Variants in SNTA1 observed in about 807,000 individuals in gnomAD.
SNTA1 encodes the protein alpha-1-syntrophin.
In SNTA1, 31 loss-of-function variants were observed where a neutral mutation model predicts 47.1. The observed-to-expected ratio is 0.66, with a 90% CI of 0.49 to 0.89. The LOEUF (loss-of-function observed/expected upper bound fraction) is 0.89. Ranked by LOEUF, SNTA1 falls within the 40% of genes least tolerant of loss-of-function variation. SNTA1 has a pLI of 0.00. For synonymous variants in SNTA1, 300 were observed against 313.6 expected (o/e 0.96, Z 0.46); for missense variants, 575 against 693.0 (o/e 0.83, Z 1.91).
At chr20:33,441,897 T>C (rs1288818738) in intron 1 of SNTA1, among the ~76,000 whole-genome samples, 1 of 152,164 alleles carries the variant, frequency 6.6e-6, no homozygotes, top group Non-Finnish European at 1.5e-5. Context: ...ATGCTGGAGA[T>C]TGGGGGTAAG....
At chr20:33,442,544 C>A (rs925641525) in intron 1 of SNTA1, among the ~76,000 whole-genome samples, 6 of 152,142 alleles carry the variant, frequency 3.9e-5, no homozygotes, top group Non-Finnish European at 8.8e-5. Flanking sequence ...TGTGGTGAGC[C>A]CTGCTCTCAG....
chr20:33,435,991 G>A (rs1307656758), intron 2 of SNTA1, among the ~76,000 whole-genome samples: 2 of 152,210 alleles, frequency 1.3e-5, no homozygotes, highest in East Asian at 1.9e-4. Flanking sequence ...TCAGGAGATC[G>A]AGACCATCCT....
chr20:33,412,283 T>C lies in SNTA1; in HGVS notation c.1040+13A>G. ...AGTTCTGGGGGAGACATACTGCCCC[T>C]GCCTGTGGGTACCTGGTGGCGATGA... is the stretch of plus-strand genomic sequence containing the variant. On this transcript the variant is annotated intron_variant, in intron 5 of 7. Transcript: ENST00000217381. The C allele has an allele frequency of 6.2e-7, 1 of 1,608,810 alleles. No individual in the cohort carries two copies. The highest frequency in any genetic ancestry group is 1.1e-5 in the South Asian group (1 of 90,212).
At chr20:33,432,125 T>C (rs1483620064) in intron 2 of SNTA1, among the ~76,000 whole-genome samples, 4 of 152,192 alleles carry the variant, frequency 2.6e-5, no homozygotes. Flanking sequence ...CATGCCCTCT[T>C]CCTGGGACAG....
chr20:33,417,695 A>C, intron 3 of SNTA1, 24 bp downstream of exon 3: 1 of 1,573,812 alleles, frequency 6.4e-7, no homozygotes, highest in Non-Finnish European at 8.7e-7. Context: ...TGTCCATCTG[A>C]GTTGCTCCCA....
chr20:33,430,944 G>A (rs948354325), intron 2 of SNTA1, among the ~76,000 whole-genome samples: 3 of 148,844 alleles, frequency 2.0e-5, no homozygotes, highest in Non-Finnish European at 4.5e-5. Context: ...GCGAGACTCC[G>A]TCTCAAAAAA....
chr20:33,412,188 G>A, intron 5 of SNTA1, 108 bp downstream of exon 5: 3 of 1,248,582 alleles, frequency 2.4e-6, no homozygotes, highest in Non-Finnish European at 3.3e-6. Context: ...CAGGTCACCT[G>A]GGGAATAGCT....
At chr20:33,429,387 C>T (rs1236183708) in intron 2 of SNTA1, among the ~76,000 whole-genome samples, 2 of 132,606 alleles carry the variant, frequency 1.5e-5, no homozygotes, top group East Asian at 2.4e-4. Context: ...CATAGTGGCT[C>T]ATGCCTGTAA....
intron 3 of SNTA1, among the ~76,000 whole-genome samples, chr20:33,414,181 T>C (rs901106129): frequency 1.5e-5 from 2 of 133,846 alleles, no homozygotes; most frequent in Admixed American, 8.9e-5. Flanking sequence ...GAGGTTGTAG[T>C]GAGCTGAGAT....
intron 3 of SNTA1, among the ~76,000 whole-genome samples, chr20:33,415,390 C>T (rs1989850259): frequency 6.6e-6 from 1 of 152,214 alleles, no homozygotes; most frequent in Non-Finnish European, 1.5e-5. Context: ...GGCATGGTGG[C>T]TCACCCCTGT....
intron 2 of SNTA1, among the ~76,000 whole-genome samples, chr20:33,422,011 T>C (rs1437288563): frequency 1.7e-5 from 2 of 117,600 alleles, no homozygotes; most frequent in African/African-American, 3.2e-5. Flanking sequence ...CAGGATTAAA[T>C]AAAATGTTGT....
intron 6 of SNTA1, 40 bp from the exon 7 acceptor site, chr20:33,408,928 T>G: frequency 6.3e-7 from 1 of 1,579,832 alleles, no homozygotes; most frequent in South Asian, 1.1e-5. Flanking sequence ...AGCTGGCACC[T>G]CAGAGACTAC....
chr20:33,418,399 T>C (rs1297960050), intron 2 of SNTA1, among the ~76,000 whole-genome samples: 1 of 151,782 alleles, frequency 6.6e-6, no homozygotes, highest in Non-Finnish European at 1.5e-5. Context: ...GGTCTACAGG[T>C]ACGCACTACC....
intron 3 of SNTA1, among the ~76,000 whole-genome samples, chr20:33,416,862 A>C (rs1483996378): frequency 6.7e-6 from 1 of 149,926 alleles, no homozygotes; most frequent in African/African-American, 2.5e-5. Flanking sequence ...AATTGCTTGA[A>C]CCTGGAAGGC....
At position 33,443,377 on chromosome 20, in the gene SNTA1, G is replaced by C. The variant is rs1318783103; in HGVS notation, c.244C>G (p.Leu82Val). 7.0e-7 allele frequency: 1 copy of C among 1,431,136 alleles called. No homozygotes were observed. Among genetic ancestry groups the C allele is most frequent in the Admixed American group, 2.7e-5 (1 of 37,498 alleles). The allele number at this position is 1,431,136 out of a possible 1,614,324, so 88.7% of individuals were successfully genotyped here. Residue 82 changes from leucine to valine, a missense_variant, in exon 1 of 8, where the codon CTG becomes GTG. Physicochemically the swap from Leu to Val is conservative, Grantham distance 32 (BLOSUM62 1). Coordinates refer to ENST00000217381, the MANE Select transcript of SNTA1 (RefSeq NM_003098.3). ...ACCGTCACGCGGCGCCGCTGGAGCA[G>C]TAGCGCCTCTGGCAGCTGCGGGGGC... ...AGPPQLPEALLLQRRRVTVRK... is the reference protein window; with the variant it reads ...AGPPQLPEALVLQRRRVTVRK...
At chr20:33,413,638 A>C (rs1212263058) in intron 3 of SNTA1, among the ~76,000 whole-genome samples, 1 of 151,922 alleles carries the variant, frequency 6.6e-6, no homozygotes, top group Non-Finnish European at 1.5e-5. Context: ...AAAAAAAAAA[A>C]AAAACTAAGC....
Position 33,408,902 on chromosome 20 carries a change from A to G in SNTA1, c.1238-14T>C, listed in dbSNP as rs369876616. On this transcript the variant is annotated splice_polypyrimidine_tract_variant and intron_variant, in intron 6 of 7. Coordinates refer to ENST00000217381, the MANE Select transcript of SNTA1 (RefSeq NM_003098.3). ...TCCACGTGCAGGCTGCAGGGAGGGC[A>G]CATAGGTACAGGCACAGCTGGCACC... The G allele has an allele frequency of 7.8e-5, 125 of 1,612,646 alleles. No homozygotes were observed. In the Middle Eastern group the frequency reaches 1.1e-3, roughly 14 times the overall value.
At chr20:33,413,778 A>C (rs562614499) in intron 3 of SNTA1, among the ~76,000 whole-genome samples, 49 of 151,986 alleles carry the variant, frequency 3.2e-4, no homozygotes, top group African/African-American at 1.2e-3. Context: ...AAGAAAAAAA[A>C]ATTTTTTTTT....
At chr20:33,422,092 T>C (rs56053206) in intron 2 of SNTA1, among the ~76,000 whole-genome samples, 1,842 of 152,178 alleles carry the variant, frequency 0.012, 14 homozygotes, top group Non-Finnish European at 0.019. Flanking sequence ...TTGCCCATAC[T>C]TCCTAGGTCT....
Sources: gnomAD v4.1 joint callset for allele counts (sites outside exome capture counted in the v4.1 genomes callset) on GRCh38, gnomAD v4.1.1 for gene constraint, MANE v1.5 for transcripts, NCBI Gene and HGNC (gene_info 2026-07-23, HGNC 2026-07-21) for gene names.